CFAP61: variants seen among roughly 807,000 people sequenced by gnomAD.
CFAP61 encodes the protein cilia- and flagella-associated protein 61.
CFAP61 carries 107 observed loss-of-function variants against 135.6 expected under a neutral mutation model. That is an observed-to-expected ratio of 0.79 (90% CI 0.67 to 0.93). The LOEUF (loss-of-function observed/expected upper bound fraction) is 0.93. Ranked by LOEUF, CFAP61 falls within the 40% of genes least tolerant of loss-of-function variation. The pLI, the probability that CFAP61 is intolerant of heterozygous loss-of-function variation, is 0.00. For missense variants in CFAP61, 1,507 were observed against 1,556.2 expected, an observed-to-expected ratio of 0.97 and a Z score of 0.53; for synonymous variants, 575 against 578.5, an observed-to-expected ratio of 0.99 and a Z score of 0.09.
At chr20:20,259,408 G>C (rs922360827) in intron 20 of CFAP61, among the ~76,000 whole-genome samples, 5 of 149,120 alleles carry the variant, frequency 3.4e-5, no homozygotes, top group African/African-American at 1.3e-4. Flanking sequence ...GGTACATGCC[G>C]CCAAACCCAG....
chr20:20,118,298 TTTC>T (rs773462524), intron 8 of CFAP61, among the ~76,000 whole-genome samples: 128 of 122,838 alleles, frequency 1.0e-3, no homozygotes, highest in African/African-American at 2.0e-3. Flanking sequence ...TCTTTCTTTC[TTTC>T]TTTCTTTTCT....
chr20:20,061,849 C>T (rs1417922125), intron 2 of CFAP61, among the ~76,000 whole-genome samples: 1 of 152,200 alleles, frequency 6.6e-6, no homozygotes, highest in Non-Finnish European at 1.5e-5. Context: ...GTTAAGATGG[C>T]CTGGCAGCAG....
chr20:20,148,355 T>C (rs1279678070), intron 9 of CFAP61, among the ~76,000 whole-genome samples: 3 of 149,732 alleles, frequency 2.0e-5, no homozygotes, highest in Admixed American at 1.3e-4. Flanking sequence ...TATGGTCATT[T>C]TCACAATGTT....
intron 2 of CFAP61, among the ~76,000 whole-genome samples, chr20:20,067,667 T>C (rs1390593786): frequency 1.4e-5 from 2 of 142,018 alleles, no homozygotes; most frequent in Admixed American, 1.5e-4. Context: ...ATATATAATA[T>C]ATATATTTAT....
At chr20:20,233,892 T>G (rs1250147068) in intron 18 of CFAP61, among the ~76,000 whole-genome samples, 1 of 152,168 alleles carries the variant, frequency 6.6e-6, no homozygotes, top group Non-Finnish European at 1.5e-5. Context: ...ATCAGCTTAT[T>G]GTCCTTTTTT....
chr20:20,090,847 G>C lies in CFAP61; in HGVS notation c.570G>C (p.Val190=). 6.2e-7 allele frequency: 1 copy of C among 1,614,090 alleles called. No homozygotes were observed. Among genetic ancestry groups the C allele is most frequent in the Non-Finnish European group, 8.5e-7 (1 of 1,179,986 alleles). Residue 190 remains valine (V), a synonymous_variant, in exon 7 of 27, where the codon GTG becomes GTC. Transcript: ENST00000245957. ...YPQLHVRKAR[V]EDHDDLMPIF... ...CTTCAGCCTTTCTATTAAACAGGGTGGAAGACCATGACGATCTCATGCCAA... is the reference window on the plus strand; with the variant it reads ...CTTCAGCCTTTCTATTAAACAGGGTCGAAGACCATGACGATCTCATGCCAA...
intron 6 of CFAP61, among the ~76,000 whole-genome samples, chr20:20,082,126 G>A (rs7263860): frequency 0.045 from 6,779 of 152,252 alleles, 492 homozygotes; most frequent in African/African-American, 0.15. Flanking sequence ...TCAAATGGGC[G>A]TGGCTGTGTG....
intron 20 of CFAP61, chr20:20,253,584 CA>C: frequency 6.1e-6 from 3 of 492,634 alleles, no homozygotes; most frequent in Middle Eastern, 1.4e-3. Context: ...GTGCAGCAAA[CA>C]TTCAGCACTC....
At position 20,070,976 on chromosome 20, in the gene CFAP61, G is replaced by T. The variant is rs1029922388; in HGVS notation, c.266G>T (p.Arg89Leu). 1 of 1,614,016 alleles carries T rather than the reference G, an allele frequency of 6.2e-7. No individual in the cohort carries two copies. Among genetic ancestry groups the T allele is most frequent in the Admixed American group, 1.7e-5 (1 of 59,998 alleles). ...AKQDDWVSVF[R>L]ELDSDIPCTP... Reference sequence around the variant, plus strand: ...CAGGATGACTGGGTGTCAGTGTTCCGGGAGCTCGACAGTGACATCCCATGC... The same window carrying T: ...CAGGATGACTGGGTGTCAGTGTTCCTGGAGCTCGACAGTGACATCCCATGC... Residue 89 changes from arginine to leucine, a missense_variant, in exon 3 of 27, where the codon CGG (arginine) becomes CTG (leucine). Arg to Leu is a moderately radical substitution (Grantham distance 102). Transcript: ENST00000245957.
At chr20:20,292,974 G>T (rs761870646) in intron 24 of CFAP61, among the ~76,000 whole-genome samples, 1 of 152,138 alleles carries the variant, frequency 6.6e-6, no homozygotes, top group South Asian at 2.1e-4. Context: ...TTGCGGGACG[G>T]TGTGTGGGAT....
At chr20:20,136,463 A>C (rs2424265) in intron 8 of CFAP61, among the ~76,000 whole-genome samples, 137,291 of 152,084 alleles carry the variant, frequency 0.9, 62,783 homozygotes, top group Middle Eastern at 0.99. Flanking sequence ...TGTTAACTTT[A>C]AAATAGCCTG....
chr20:20,208,837 A>G (rs4814963), intron 17 of CFAP61, among the ~76,000 whole-genome samples: 152,217 of 152,314 alleles, frequency 1, 76,060 homozygotes, highest in Middle Eastern at 1. Flanking sequence ...ACATCCATCC[A>G]CTGTGTCTAG....
intron 9 of CFAP61, among the ~76,000 whole-genome samples, chr20:20,152,480 A>G (rs1733687853): frequency 6.6e-6 from 1 of 152,198 alleles, no homozygotes; most frequent in Non-Finnish European, 1.5e-5. Context: ...GAAGAGACTC[A>G]CCTAATGCAT....
chr20:20,106,264 A>G (rs2048401817), intron 8 of CFAP61, among the ~76,000 whole-genome samples: 1 of 151,800 alleles, frequency 6.6e-6, no homozygotes, highest in Non-Finnish European at 1.5e-5. Flanking sequence ...CAGGGACATG[A>G]CCCCAAAGCC....
At chr20:20,163,958 C>A in intron 10 of CFAP61, 92 bp from the exon 11 acceptor site, 1 of 1,026,678 alleles carries the variant, frequency 9.7e-7, no homozygotes, top group Non-Finnish European at 1.4e-6. Context: ...GTCCTCAGAA[C>A]GGTGTCATGT....
chr20:20,257,413 G>C (rs920854391), intron 20 of CFAP61, among the ~76,000 whole-genome samples: 1 of 152,054 alleles, frequency 6.6e-6, no homozygotes, highest in African/African-American at 2.4e-5. Context: ...TCAGGAGTTC[G>C]AGACCAGCCT....
At chr20:20,152,676 T>G (rs992072215) in intron 9 of CFAP61, among the ~76,000 whole-genome samples, 2 of 151,316 alleles carry the variant, frequency 1.3e-5, no homozygotes, top group Non-Finnish European at 3.0e-5. Context: ...AATACCCCAA[T>G]CCTAAATATA....
intron 9 of CFAP61, among the ~76,000 whole-genome samples, chr20:20,153,768 T>A: frequency 6.6e-6 from 1 of 152,180 alleles, no homozygotes; most frequent in South Asian, 2.1e-4. Context: ...CACAGCTGAA[T>A]TCTATCAGGC....
intron 2 of CFAP61, among the ~76,000 whole-genome samples, chr20:20,063,581 T>C (rs1302184869): frequency 6.6e-6 from 1 of 152,164 alleles, no homozygotes; most frequent in African/African-American, 2.4e-5. Flanking sequence ...AATAAGAATA[T>C]AAGATGACTC....
Sources: allele counts gnomAD v4.1 joint callset (sites outside exome capture counted in the v4.1 genomes callset), GRCh38; gene constraint gnomAD v4.1.1; transcripts MANE v1.5; gene names NCBI Gene and HGNC (gene_info 2026-07-23, HGNC 2026-07-21).